The following MGAT5 variants were observed in gnomAD, a reference collection of about 807,000 sequenced individuals.
MGAT5 encodes the protein alpha-1,6-mannosylglycoprotein 6-beta-N-acetylglucosaminyltransferase A.
MGAT5 carries 30 observed loss-of-function variants against 94.3 expected under a neutral mutation model. The ratio of observed to expected loss-of-function variants is 0.32; its 90% CI spans 0.24 to 0.43. MGAT5 has a LOEUF of 0.43. Ranked by LOEUF, MGAT5 falls within the 20% of genes least tolerant of loss-of-function variation. MGAT5 has a pLI of 1.00. For synonymous variants in MGAT5, 310 were observed against 322.9 expected, an observed-to-expected ratio of 0.96 and a Z score of 0.43; for missense variants, 691 against 905.5, an observed-to-expected ratio of 0.76 and a Z score of 3.04.
Position 134,413,082 on chromosome 2 carries a change from G to A in MGAT5, c.1677+67G>A, listed in dbSNP as rs564498673. ...TAATAGCTATTTATTGAGTGCTCAT[G>A]TAGGTATTAACTTCATCTAACATGA... On this transcript the variant is annotated intron_variant, in intron 12 of 15. Coordinates refer to ENST00000281923, the MANE Select transcript of MGAT5 (RefSeq NM_002410.5). 3 of 1,559,328 alleles carry A rather than the reference G, an allele frequency of 1.9e-6. No homozygotes were observed. In the Admixed American group the frequency reaches 5.1e-5, roughly 26 times the overall value.
chr2:134,231,847 C>T (rs1237857545), intron 1 of MGAT5, among the ~76,000 whole-genome samples: 2 of 152,172 alleles, frequency 1.3e-5, no homozygotes, highest in Non-Finnish European at 2.9e-5. Flanking sequence ...TTCTTGCCTG[C>T]TGTGCCGAGT....
At chr2:134,418,383 G>T (rs1294362598) in intron 12 of MGAT5, among the ~76,000 whole-genome samples, 2 of 152,160 alleles carry the variant, frequency 1.3e-5, no homozygotes, top group Non-Finnish European at 2.9e-5. Flanking sequence ...CTCTATTAGA[G>T]AAACTGTGGG....
chr2:134,300,823 T>A (rs750288846), intron 2 of MGAT5, among the ~76,000 whole-genome samples: 1 of 152,178 alleles, frequency 6.6e-6, no homozygotes, highest in Non-Finnish European at 1.5e-5. Flanking sequence ...AAAGGAAAAT[T>A]GTCCTTCATC....
At chr2:134,121,722 C>A (rs1186913438) in intron 1 of MGAT5, among the ~76,000 whole-genome samples, 1 of 152,198 alleles carries the variant, frequency 6.6e-6, no homozygotes, top group African/African-American at 2.4e-5. Context: ...CACTTGTAAA[C>A]ATACCCAGAC....
At chr2:134,269,423 A>G (rs955593385) in intron 1 of MGAT5, among the ~76,000 whole-genome samples, 1 of 152,014 alleles carries the variant, frequency 6.6e-6, no homozygotes, top group African/African-American at 2.4e-5. Flanking sequence ...TGCTACCCAC[A>G]CTGTGCACTT....
intron 2 of MGAT5, among the ~76,000 whole-genome samples, chr2:134,287,529 G>A (rs182402213): frequency 2.6e-5 from 4 of 152,258 alleles, no homozygotes; most frequent in Admixed American, 2.6e-4. Context: ...AGGGCTGGCA[G>A]CTGCTGGGCC....
intron 6 of MGAT5, among the ~76,000 whole-genome samples, chr2:134,340,676 G>T (rs549182400): frequency 1.3e-5 from 2 of 152,176 alleles, no homozygotes; most frequent in Non-Finnish European, 1.5e-5. Flanking sequence ...GTTGATGAGG[G>T]GTAGTTTCTC....
intron 10 of MGAT5, among the ~76,000 whole-genome samples, chr2:134,395,507 G>A (rs779453053): frequency 9.9e-5 from 15 of 152,186 alleles, no homozygotes; most frequent in African/African-American, 2.9e-4. Flanking sequence ...AGCTTGTCCC[G>A]TTTTATGGCT....
chr2:134,341,584 T>C lies in MGAT5; in HGVS notation c.808-6T>C. On this transcript the variant is annotated splice_polypyrimidine_tract_variant and splice_region_variant and intron_variant, in intron 6 of 15. Coordinates refer to ENST00000281923, the MANE Select transcript of MGAT5 (RefSeq NM_002410.5). ...GTGAATCAGTATATGCCTCTTTGTT[T>C]TCCAGGTCCTCGTTCACCTGGGACT... 1 of 1,611,446 alleles carries C rather than the reference T, an allele frequency of 6.2e-7. No homozygotes were observed.
intron 2 of MGAT5, among the ~76,000 whole-genome samples, chr2:134,284,910 A>T (rs2105741028): frequency 6.6e-6 from 1 of 152,322 alleles, no homozygotes. Flanking sequence ...AGTGGAAGGT[A>T]ATCTAAGAGT....
intron 10 of MGAT5, among the ~76,000 whole-genome samples, chr2:134,389,850 A>G (rs146957009): frequency 7.0e-4 from 107 of 152,326 alleles, no homozygotes; most frequent in African/African-American, 2.4e-3. Flanking sequence ...TGTATTGAAC[A>G]TGTTCACTTT....
chr2:134,270,935 G>C (rs1489268467), intron 2 of MGAT5, among the ~76,000 whole-genome samples: 1 of 152,068 alleles, frequency 6.6e-6, no homozygotes, highest in Non-Finnish European at 1.5e-5. Flanking sequence ...CGTATAATAG[G>C]TTCTCTCCTC....
At chr2:134,133,431 A>G (rs995857689) in intron 1 of MGAT5, among the ~76,000 whole-genome samples, 1 of 152,218 alleles carries the variant, frequency 6.6e-6, no homozygotes, top group Non-Finnish European at 1.5e-5. Context: ...GGATCTGGAT[A>G]TGTCTTTGTA....
intron 12 of MGAT5, among the ~76,000 whole-genome samples, chr2:134,420,552 A>C (rs1574063966): frequency 6.6e-6 from 1 of 152,124 alleles, no homozygotes; most frequent in African/African-American, 2.4e-5. Flanking sequence ...GTGTGGCAGG[A>C]TACAAAGAAC....
At chr2:134,217,014 C>T (rs1166359911) in intron 1 of MGAT5, among the ~76,000 whole-genome samples, 1 of 152,046 alleles carries the variant, frequency 6.6e-6, no homozygotes, top group Non-Finnish European at 1.5e-5. Context: ...GCTGTGGTGG[C>T]CAGTTTCTCA....
chr2:134,309,192 T>G (rs539099549), intron 2 of MGAT5, among the ~76,000 whole-genome samples: 1 of 152,376 alleles, frequency 6.6e-6, no homozygotes, highest in Non-Finnish European at 1.5e-5. Context: ...TTCCATTTTA[T>G]GGATATACCA....
intron 1 of MGAT5, among the ~76,000 whole-genome samples, chr2:134,245,547 A>G (rs147772457): frequency 1.1e-3 from 173 of 152,116 alleles, no homozygotes; most frequent in Middle Eastern, 3.4e-3. Flanking sequence ...GTTTTCTCTT[A>G]CCCCACCCAC....
At chr2:134,433,787 G>A (rs1019350931) in intron 14 of MGAT5, among the ~76,000 whole-genome samples, 4 of 151,342 alleles carry the variant, frequency 2.6e-5, no homozygotes, top group Admixed American at 6.6e-5. Context: ...ATAGCTGACC[G>A]AACGGGACCC....
At chr2:134,293,404 G>A (rs1294647791) in intron 2 of MGAT5, among the ~76,000 whole-genome samples, 1 of 151,928 alleles carries the variant, frequency 6.6e-6, no homozygotes, top group Non-Finnish European at 1.5e-5. Flanking sequence ...CCTCTTTTAC[G>A]TATGTGCCTC....
Sources: allele counts gnomAD v4.1 joint callset (sites outside exome capture counted in the v4.1 genomes callset), GRCh38; gene constraint gnomAD v4.1.1; transcripts MANE v1.5; gene names NCBI Gene and HGNC (gene_info 2026-07-23, HGNC 2026-07-21).